Variants in TMPRSS9 observed in about 807,000 individuals in gnomAD.
The protein encoded by TMPRSS9 is transmembrane protease serine 9.
In TMPRSS9, 113 loss-of-function variants were observed where a neutral mutation model predicts 111.4. That is an observed-to-expected ratio of 1.01 (90% confidence interval 0.87 to 1.19). The LOEUF (loss-of-function observed/expected upper bound fraction) is 1.19, where lower values mean the gene tolerates loss of function less well. Ranked by LOEUF, TMPRSS9 falls within the 50% of genes most tolerant of loss-of-function variation. TMPRSS9 has a pLI of 0.00. For synonymous variants in TMPRSS9, 805 were observed against 659.1 expected (o/e 1.22, Z -3.39); for missense variants, 1,803 against 1,513.1 (o/e 1.19, Z -3.18).
intron 12 of TMPRSS9, among the ~76,000 whole-genome samples, chr19:2,417,567 G>C (rs1971275744): frequency 6.6e-6 from 1 of 152,058 alleles, no homozygotes; most frequent in Non-Finnish European, 1.5e-5. Context: ...AGAATCACTT[G>C]AGCCTGGGAG....
At chr19:2,402,922 C>T (rs1275895430) in intron 5 of TMPRSS9, among the ~76,000 whole-genome samples, 160 bp from the exon 7 acceptor site, 3 of 151,882 alleles carry the variant, frequency 2.0e-5, no homozygotes, top group Non-Finnish European at 4.4e-5. Flanking sequence ...AGAGCTAGAC[C>T]CTGTCTCAAA....
At chr19:2,374,250 T>C (rs1359780230) in intron 1 of TMPRSS9, among the ~76,000 whole-genome samples, 1 of 18,730 alleles carries the variant, frequency 5.3e-5, no homozygotes, top group Non-Finnish European at 8.8e-5. Context: ...TCAACAATCT[T>C]TTTTTTTTTT....
rs565648487 is a variant in TMPRSS9, at chr19:2,368,673, A to G, written c.-26+8313A>G. Among the ~76,000 whole-genome samples, 4 of 151,744 alleles carry G rather than the reference A, an allele frequency of 2.6e-5. No individual in the cohort carries two copies. In the East Asian group the frequency reaches 7.8e-4, roughly 29 times the overall value. On this transcript the variant is annotated intron_variant, in intron 1 of 17. Coordinates refer to the TMPRSS9 transcript ENST00000649857. ...ATGCCCTGCTTAGACCAGGCTAGACATGGCGTAGGGGCCCAATTCTAGAGC... is the reference window on the plus strand; with the variant it reads ...ATGCCCTGCTTAGACCAGGCTAGACGTGGCGTAGGGGCCCAATTCTAGAGC...
intron 2 of TMPRSS9, among the ~76,000 whole-genome samples, chr19:2,396,901 C>T (rs985082678): frequency 6.6e-6 from 1 of 151,856 alleles, no homozygotes; most frequent in Non-Finnish European, 1.5e-5. Flanking sequence ...GGACTTTAGG[C>T]CACATTTAGA....
At chr19:2,404,445 A>T (rs1663021168) in intron 6 of TMPRSS9, among the ~76,000 whole-genome samples, 1 of 152,048 alleles carries the variant, frequency 6.6e-6, no homozygotes, top group South Asian at 2.1e-4. Context: ...TGGGAGGCTG[A>T]GGCAGGAGAA....
intron 1 of TMPRSS9, among the ~76,000 whole-genome samples, chr19:2,365,402 T>A (rs1970240218): frequency 6.6e-6 from 1 of 151,622 alleles, no homozygotes; most frequent in Non-Finnish European, 1.5e-5. Context: ...TATTTCATGA[T>A]GTTGGGGCGA....
At chr19:2,363,354 G>A (rs1055069104) in intron 1 of TMPRSS9, among the ~76,000 whole-genome samples, 1 of 152,130 alleles carries the variant, frequency 6.6e-6, no homozygotes, top group Admixed American at 6.6e-5. Flanking sequence ...CTGGAGCATC[G>A]GAGTTCAAAC....
rs375474182 is a variant in TMPRSS9, at chr19:2,418,283, CT to C, written c.2154+148del. 3.2e-3 allele frequency: 2,274 copies of C among 705,128 alleles called. 63 individuals are homozygous for C. Among genetic ancestry groups the C allele is most frequent in the African/African-American group, 4.8e-3 (127 of 26,436 alleles). The allele number at this position is 705,128 out of a possible 1,614,324, so 43.7% of individuals were successfully genotyped here. A position where few individuals can be genotyped will look rare whatever the true frequency, so the allele number is the denominator to read the frequency against. On this transcript the variant is annotated intron_variant, in intron 13 of 17. Transcript: ENST00000648592. ...CCCTCCTTGTCCTTCCCTCCTTTTC[CT>C]TTCCTCCTTTCCTTCCCTCCCTTTC...
At chr19:2,410,775 C>T (rs1204260337) in intron 9 of TMPRSS9, among the ~76,000 whole-genome samples, 1 of 152,118 alleles carries the variant, frequency 6.6e-6, no homozygotes, top group Non-Finnish European at 1.5e-5. Context: ...TGTAAATCCC[C>T]CCCAGCTGCC....
intron 7 of TMPRSS9, among the ~76,000 whole-genome samples, chr19:2,406,211 G>C (rs1273696218): frequency 2.0e-5 from 3 of 149,972 alleles, no homozygotes; most frequent in Non-Finnish European, 4.4e-5. Flanking sequence ...GTAGAGTCGG[G>C]GTTTCACCAT....
At chr19:2,408,569 C>A in exon 8 of TMPRSS9, 1 of 1,613,620 alleles carries the variant, frequency 6.2e-7, no homozygotes, top group South Asian at 1.1e-5. Flanking sequence ...CTGCCACACA[C>A]ATCTTCCCAC....
intron 1 of TMPRSS9, among the ~76,000 whole-genome samples, chr19:2,377,243 CTGTA>C (rs71178267): frequency 0.23 from 31,329 of 134,712 alleles, 4,095 homozygotes; most frequent in South Asian, 0.29. Context: ...TCTTTTTTTA[CTGTA>C]TGTATGTATG....
chr19:2,368,305 G>A (rs1970262658), intron 1 of TMPRSS9, among the ~76,000 whole-genome samples: 1 of 149,788 alleles, frequency 6.7e-6, no homozygotes, highest in Non-Finnish European at 1.5e-5. Flanking sequence ...CATGGGTGCA[G>A]TTTGCAAAAT....
intron 1 of TMPRSS9, among the ~76,000 whole-genome samples, chr19:2,360,577 G>T (rs1568463329): frequency 6.6e-6 from 1 of 152,280 alleles, no homozygotes; most frequent in Non-Finnish European, 1.5e-5. Context: ...TGTAGACATG[G>T]CCAGGTTGTG....
At chr19:2,424,323 C>T (rs2145423405) in intron 15 of TMPRSS9, 66 bp downstream of exon 16, 1 of 1,279,836 alleles carries the variant, frequency 7.8e-7, no homozygotes, top group East Asian at 3.0e-5. Flanking sequence ...GAACTGTTGC[C>T]CGAAAACGCA....
At chr19:2,381,820 A>T (rs1970388639) in intron 1 of TMPRSS9, among the ~76,000 whole-genome samples, 1 of 139,446 alleles carries the variant, frequency 7.2e-6, no homozygotes, top group Admixed American at 7.4e-5. Flanking sequence ...AATTTCAGAT[A>T]TGTATTCATT....
intron 1 of TMPRSS9, among the ~76,000 whole-genome samples, chr19:2,371,900 G>C (rs1348015447): frequency 6.6e-6 from 1 of 152,178 alleles, no homozygotes; most frequent in African/African-American, 2.4e-5. Flanking sequence ...TGTTGGGCTG[G>C]AGGCTGGTCG....
chr19:2,405,502 A>G, exon 7 of TMPRSS9: 2 of 1,602,886 alleles, frequency 1.2e-6, no homozygotes, highest in Non-Finnish European at 1.7e-6. Flanking sequence ...GGCCGCCATC[A>G]TCAACGCCAG....
At chr19:2,401,009 T>C (rs576887536) in intron 4 of TMPRSS9, among the ~76,000 whole-genome samples, 5 of 147,702 alleles carry the variant, frequency 3.4e-5, no homozygotes, top group Non-Finnish European at 5.9e-5. Flanking sequence ...GCGCGGTGGC[T>C]TACGCCTGTA....
Sources: allele counts gnomAD v4.1 joint callset (sites outside exome capture counted in the v4.1 genomes callset), GRCh38; gene constraint gnomAD v4.1.1; transcripts MANE v1.5; gene names NCBI Gene and HGNC (gene_info 2026-07-23, HGNC 2026-07-21).